Variants in LMCD1 observed in about 807,000 individuals in gnomAD.
The protein encoded by LMCD1 is LIM and cysteine-rich domains protein 1.
In LMCD1, 32 loss-of-function variants were observed where a neutral mutation model predicts 42.7. The ratio of observed to expected loss-of-function variants is 0.75; its 90% confidence interval spans 0.57 to 1.01. LMCD1 has a LOEUF of 1.01. LMCD1 is among the 50% of genes least tolerant of loss of function. The pLI, the probability that LMCD1 is intolerant of heterozygous loss-of-function variation, is 0.00. For synonymous variants in LMCD1, 178 were observed against 184.9 expected, an observed-to-expected ratio of 0.96 and a Z score of 0.30; for missense variants, 458 against 483.1, an observed-to-expected ratio of 0.95 and a Z score of 0.49.
intron 1 of LMCD1, among the ~76,000 whole-genome samples, chr3:8,530,641 A>G (rs904520765): frequency 6.6e-6 from 1 of 152,220 alleles, no homozygotes; most frequent in Non-Finnish European, 1.5e-5. Flanking sequence ...TGGTCCAACA[A>G]TGAAGCCTTA....
At chr3:8,553,266 G>A (rs1024320000) in intron 4 of LMCD1, among the ~76,000 whole-genome samples, 4 of 151,892 alleles carry the variant, frequency 2.6e-5, no homozygotes, top group African/African-American at 9.7e-5. Context: ...TCCACCTGCT[G>A]GGGGACGTCC....
At chr3:8,532,704 A>G (rs1694435053) in intron 1 of LMCD1, 33 bp from the exon 2 acceptor site, 2 of 1,595,036 alleles carry the variant, frequency 1.3e-6, no homozygotes, top group Non-Finnish European at 1.7e-6. Flanking sequence ...GATGTTTGGA[A>G]GGAAAACACC....
chr3:8,502,312 A>AT (rs1559342085), intron 1 of LMCD1, among the ~76,000 whole-genome samples: 16 of 19,668 alleles, frequency 8.1e-4, no homozygotes, highest in East Asian at 7.5e-3. Context: ...ATAATATATA[A>AT]AATATATATT....
At chr3:8,531,132 C>T (rs953504698) in intron 1 of LMCD1, among the ~76,000 whole-genome samples, 1 of 152,194 alleles carries the variant, frequency 6.6e-6, no homozygotes, top group African/African-American at 2.4e-5. Flanking sequence ...CTACCACTGG[C>T]AATGAGGATG....
chr3:8,510,580 A>C (rs2125011026), intron 1 of LMCD1, among the ~76,000 whole-genome samples: 1 of 152,310 alleles, frequency 6.6e-6, no homozygotes. Flanking sequence ...ACGCCCTAGA[A>C]GTTTAGCAGC....
At chr3:8,559,648 A>G (rs6443195) in intron 4 of LMCD1, among the ~76,000 whole-genome samples, 43,403 of 152,070 alleles carry the variant, frequency 0.29, 6,734 homozygotes, top group East Asian at 0.42. Flanking sequence ...CAGGATGATG[A>G]GACCCAAGTA....
At chr3:8,548,503 A>T in intron 3 of LMCD1, 65 bp from the exon 4 acceptor site, 1 of 1,165,722 alleles carries the variant, frequency 8.6e-7, no homozygotes, top group Admixed American at 2.4e-5. Flanking sequence ...AGATTCTGTC[A>T]TAGTTTCTTT....
chr3:8,517,236 T>C (rs888355410), intron 1 of LMCD1, among the ~76,000 whole-genome samples: 2 of 152,242 alleles, frequency 1.3e-5, no homozygotes, highest in African/African-American at 4.8e-5. Context: ...CCTGACCTCA[T>C]GTACATACAC....
chr3:8,562,388 A>T (rs1017147988), intron 4 of LMCD1, among the ~76,000 whole-genome samples: 2 of 152,092 alleles, frequency 1.3e-5, no homozygotes, highest in African/African-American at 2.4e-5. Context: ...AGCCCTTCAG[A>T]CAATTCCCTG....
intron 4 of LMCD1, among the ~76,000 whole-genome samples, chr3:8,564,899 G>A (rs1419896119): frequency 6.6e-6 from 1 of 152,318 alleles, no homozygotes; most frequent in Non-Finnish European, 1.5e-5. Flanking sequence ...TGCAGAAGCA[G>A]TTATGGGAAT....
Position 8,568,479 on chromosome 3 carries a change from T to G in LMCD1, c.*881T>G, listed in dbSNP as rs1487515021. ...GGGAAACCACTGAACAGGGGCCACC[T>G]AAGCTCCACCAATGGGTGCCACATG... On this transcript the variant is annotated 3_prime_UTR_variant, in exon 6 of 6. Coordinates refer to ENST00000157600, the MANE Select transcript of LMCD1 (RefSeq NM_014583.4). 1 of 152,216 alleles carries G rather than the reference T, an allele frequency of 6.6e-6. No individual in the cohort carries two copies. Among genetic ancestry groups the G allele is most frequent in the Non-Finnish European group, 1.5e-5 (1 of 68,044 alleles). 9.4% of individuals were successfully genotyped at this position (152,216 alleles called of 1,614,324 possible). A position where few individuals can be genotyped will look rare whatever the true frequency, so the allele number is the denominator to read the frequency against.
chr3:8,573,793 A>G lies in LMCD1; in HGVS notation c.*6195A>G, dbSNP rs1413680120. 1.3e-5 allele frequency: 2 copies of G among 151,984 alleles called. No homozygotes were observed. Among genetic ancestry groups the G allele is most frequent in the African/African-American group, 2.4e-5 (1 of 41,364 alleles). The allele number at this position is 151,984 out of a possible 1,614,324, so 9.4% of individuals were successfully genotyped here. A position where few individuals can be genotyped will look rare whatever the true frequency, so the allele number is the denominator to read the frequency against. On this transcript the variant is annotated 3_prime_UTR_variant, in exon 6 of 6. Transcript: ENST00000157600. ...ACATTGCTTCTTGAAAAATGAAAGT[A>G]TTTGGACATACAGACAGAAGCAATA... is the stretch of plus-strand genomic sequence containing the variant.
At chr3:8,558,796 G>T (rs761146115) in intron 4 of LMCD1, among the ~76,000 whole-genome samples, 1 of 152,138 alleles carries the variant, frequency 6.6e-6, no homozygotes, top group Non-Finnish European at 1.5e-5. Flanking sequence ...GGTGATATCA[G>T]TTTTGCTGAG....
intron 3 of LMCD1, among the ~76,000 whole-genome samples, chr3:8,541,500 G>A (rs929981614): frequency 1.3e-5 from 2 of 152,232 alleles, no homozygotes; most frequent in African/African-American, 4.8e-5. Context: ...AGTGAGCCGA[G>A]ATTGTGCCAC....
rs1695148601 is a variant in LMCD1 at position 8,567,476 on chromosome 3, C to T, written c.976C>T (p.Leu326=). Reference sequence around the variant, plus strand: ...TGAGGACTACCAGCGTGTGGAAGATCTGGCCTGGCACCGAAAGCACTTTGT... The same window carrying T: ...TGAGGACTACCAGCGTGTGGAAGATTTGGCCTGGCACCGAAAGCACTTTGT... ...FAEDYQRVED[L]AWHRKHFVCE... Residue 326 remains leucine (L), a synonymous_variant, in exon 6 of 6, where the codon CTG becomes TTG. Coordinates refer to ENST00000157600, the MANE Select transcript of LMCD1 (RefSeq NM_014583.4). The T allele has an allele frequency of 1.2e-6, 2 of 1,614,092 alleles. No individual in the cohort carries two copies. The highest frequency in any genetic ancestry group is 1.7e-6 in the Non-Finnish European group (2 of 1,180,028).
At chr3:8,539,181 A>G (rs1157193726) in intron 3 of LMCD1, among the ~76,000 whole-genome samples, 1 of 152,214 alleles carries the variant, frequency 6.6e-6, no homozygotes, top group African/African-American at 2.4e-5. Context: ...CCTTCGCCAT[A>G]GAGAGTTTCA....
chr3:8,519,318 C>T (rs908713160), intron 1 of LMCD1, among the ~76,000 whole-genome samples: 1 of 152,130 alleles, frequency 6.6e-6, no homozygotes, highest in African/African-American at 2.4e-5. Context: ...ACAGAAGGAA[C>T]TGTATGTGGG....
intron 4 of LMCD1, among the ~76,000 whole-genome samples, chr3:8,559,332 TG>T (rs1387374416): frequency 6.6e-6 from 1 of 152,162 alleles, no homozygotes; most frequent in Non-Finnish European, 1.5e-5. Context: ...GCCTGCAAGG[TG>T]GGCAGAGTTA....
Position 8,549,050 on chromosome 3 carries a change from C to T in LMCD1, c.723+147C>T, listed in dbSNP as rs112243713. On this transcript the variant is annotated intron_variant, in intron 4 of 5. Transcript: ENST00000157600. ...AGCAGATATTGATTGCTCATTTAGTCTGTGCCAGGCACTGTCCCATGGAAA... is the reference window on the plus strand; with the variant it reads ...AGCAGATATTGATTGCTCATTTAGTTTGTGCCAGGCACTGTCCCATGGAAA... 7.5e-5 allele frequency: 45 copies of T among 597,084 alleles called. No individual in the cohort carries two copies. The African/African-American group carries it at 7.6e-4, about 10-fold the overall frequency. 37.0% of individuals were successfully genotyped at this position (597,084 alleles called of 1,614,324 possible).
Sources: gnomAD v4.1 joint callset for allele counts (sites outside exome capture counted in the v4.1 genomes callset) on GRCh38, gnomAD v4.1.1 for gene constraint, MANE v1.5 for transcripts, NCBI Gene and HGNC (gene_info 2026-07-23, HGNC 2026-07-21) for gene names.